Variants in JMJD1C observed in about 807,000 individuals in gnomAD.
JMJD1C encodes the protein jumonji domain containing 1C, also known as jumonji domain-containing protein 1C.
In JMJD1C, 31 loss-of-function variants were observed where a neutral mutation model predicts 245.3. The ratio of observed to expected loss-of-function variants is 0.13; its 90% CI spans 0.09 to 0.17. The LOEUF is 0.17. Among genes scored for constraint, JMJD1C ranks in the 10% least tolerant of loss-of-function variants. The pLI is 1.00. For synonymous variants in JMJD1C, 1,057 were observed against 1,017.4 expected, an observed-to-expected ratio of 1.04 and a Z score of -0.74; for missense variants, 2,691 against 3,000.2, an observed-to-expected ratio of 0.90 and a Z score of 2.41.
chr10:63,345,361 C>T (rs1006337670), intron 2 of JMJD1C, among the ~76,000 whole-genome samples: 1 of 151,972 alleles, frequency 6.6e-6, no homozygotes, highest in Non-Finnish European at 1.5e-5. Context: ...GTGGCAGGCA[C>T]CTGTAATCCC....
chr10:63,437,377 C>T (rs1170819066), intron 1 of JMJD1C, among the ~76,000 whole-genome samples: 1 of 152,136 alleles, frequency 6.6e-6, no homozygotes, highest in East Asian at 1.9e-4. Flanking sequence ...TCCACAAGCT[C>T]TTACCTCTCT....
At chr10:63,235,304 T>C (rs1312754085) in intron 3 of JMJD1C, among the ~76,000 whole-genome samples, 4 of 152,170 alleles carry the variant, frequency 2.6e-5, no homozygotes, top group Non-Finnish European at 5.9e-5. Flanking sequence ...GAGACCAGCC[T>C]GGCCAACACA....
Position 63,380,445 on chromosome 10 carries a change from C to T in JMJD1C, c.206G>A (p.Arg69Gln). 6.2e-7 allele frequency: 1 copy of T among 1,613,676 alleles called. No homozygotes were observed. The highest frequency in any genetic ancestry group is 1.3e-5 in the African/African-American group (1 of 74,962). The change falls in exon 2 of 26, where the codon CGA (arginine) becomes CAA (glutamine). Residue 69 changes from arginine (R) to glutamine (Q), a missense_variant. By Grantham distance (43) the Arg-to-Gln change is conservative (BLOSUM62 1). Coordinates refer to ENST00000399262, the MANE Select transcript of JMJD1C (RefSeq NM_032776.3). The stretch of plus-strand genomic sequence containing the variant: ...ATCTTCATAAACTTTAACCCACTCT[C>T]GTTTATCCCATTCAAGATCATCAAA... ...VEFDDLEWDK[R>Q]EWVKVYEDFS...
At chr10:63,363,615 C>T (rs758846693) in intron 2 of JMJD1C, among the ~76,000 whole-genome samples, 24 of 152,118 alleles carry the variant, frequency 1.6e-4, no homozygotes, top group African/African-American at 2.2e-4. Flanking sequence ...TTCTACCATG[C>T]AAAGCATCTG....
intron 2 of JMJD1C, among the ~76,000 whole-genome samples, chr10:63,342,335 T>C (rs1198997589): frequency 6.6e-6 from 1 of 152,198 alleles, no homozygotes; most frequent in Non-Finnish European, 1.5e-5. Context: ...TGTGCATTCA[T>C]AACAGAACAA....
intron 3 of JMJD1C, among the ~76,000 whole-genome samples, chr10:63,231,675 T>C (rs1850016039): frequency 6.6e-6 from 1 of 152,082 alleles, no homozygotes; most frequent in African/African-American, 2.4e-5. Flanking sequence ...ACACCTGTAA[T>C]CCTAGCTACT....
intron 1 of JMJD1C, among the ~76,000 whole-genome samples, chr10:63,519,761 A>G (rs1253475094): frequency 1.3e-5 from 2 of 152,252 alleles, no homozygotes; most frequent in Non-Finnish European, 2.9e-5. Context: ...AGCACTGAGC[A>G]TGAAAATACA....
chr10:63,236,414 T>C (rs1589241530), intron 3 of JMJD1C, among the ~76,000 whole-genome samples: 1 of 152,228 alleles, frequency 6.6e-6, no homozygotes, highest in Non-Finnish European at 1.5e-5. Context: ...ATGTGTTTTC[T>C]TCTAAAGCCA....
chr10:63,304,713 G>A (rs1176522182), intron 2 of JMJD1C, among the ~76,000 whole-genome samples: 1 of 152,160 alleles, frequency 6.6e-6, no homozygotes, highest in Non-Finnish European at 1.5e-5. Flanking sequence ...TAAGGCCACA[G>A]AAAAGATCAG....
intron 1 of JMJD1C, among the ~76,000 whole-genome samples, chr10:63,418,312 TAAA>T (rs1564898895): frequency 6.6e-6 from 1 of 152,210 alleles, no homozygotes; most frequent in African/African-American, 2.4e-5. Context: ...AGAATACTTA[TAAA>T]ATGCATCCTG....
chr10:63,467,999 A>G (rs892613656), upstream of JMJD1C, among the ~76,000 whole-genome samples: 2 of 152,220 alleles, frequency 1.3e-5, no homozygotes, highest in Non-Finnish European at 2.9e-5. Flanking sequence ...TAGTTGCCTT[A>G]TATAAAACTG....
intron 1 of JMJD1C, among the ~76,000 whole-genome samples, chr10:63,404,993 C>G (rs1448787892): frequency 6.6e-6 from 1 of 152,160 alleles, no homozygotes; most frequent in Non-Finnish European, 1.5e-5. Context: ...CAACATGATA[C>G]AATTAGTTCT....
At chr10:63,335,375 AAAG>A (rs1443684708) in intron 2 of JMJD1C, among the ~76,000 whole-genome samples, 1 of 152,236 alleles carries the variant, frequency 6.6e-6, no homozygotes, top group East Asian at 1.9e-4. Context: ...TTGAGAATAT[AAAG>A]AAGTGCTTAA....
chr10:63,288,254 A>G lies in JMJD1C; in HGVS notation c.334-23490T>C, dbSNP rs116249752. Among the ~76,000 whole-genome samples, 1,515 of 152,320 alleles carry G rather than the reference A, an allele frequency of 9.9e-3. 10 individuals carry two copies. The highest frequency in any genetic ancestry group is 0.031 in the Middle Eastern group (9 of 294). ...CTGTACTTGGAATCATATACTATGTAGCCTTTTCAGATTGGCTTCTCTCAC... is the reference window on the plus strand; with the variant it reads ...CTGTACTTGGAATCATATACTATGTGGCCTTTTCAGATTGGCTTCTCTCAC... On this transcript the variant is annotated intron_variant, in intron 2 of 25. Coordinates refer to ENST00000399262, the MANE Select transcript of JMJD1C (RefSeq NM_032776.3).
chr10:63,299,857 TTCAAGGAACCCAG>T (rs921261004), intron 2 of JMJD1C, among the ~76,000 whole-genome samples: 1 of 151,912 alleles, frequency 6.6e-6, no homozygotes, highest in African/African-American at 2.4e-5. Flanking sequence ...GTTAAAGCCT[TTCAAGGAACCCAG>T]TCTTCTTGAA....
rs377618960 is a variant in JMJD1C, at chr10:63,219,899, C to T, written c.532G>A (p.Val178Ile). Residue 178 changes from valine to isoleucine, a missense_variant, in exon 4 of 26, where the codon GTT (valine) becomes ATT (isoleucine). Physicochemically the swap from Val to Ile is conservative, Grantham distance 29. Transcript: ENST00000399262. Reference sequence around the variant, plus strand: ...TTACCTTGCATAAAAATCTCCTGAACCTTTTGTTCCTTTACCCAGACTTTC... The same window carrying T: ...TTACCTTGCATAAAAATCTCCTGAATCTTTTGTTCCTTTACCCAGACTTTC... The part of the protein sequence containing the change: ...EVKVWVKEQK[V>I]QEIFMQGPYS... The T allele has an allele frequency of 1.2e-6, 2 of 1,613,342 alleles. No homozygotes were observed. Among genetic ancestry groups the T allele is most frequent in the Non-Finnish European group, 1.7e-6 (2 of 1,179,452 alleles).
intron 1 of JMJD1C, among the ~76,000 whole-genome samples, chr10:63,389,365 C>T (rs1361249293): frequency 1.4e-5 from 2 of 138,760 alleles, no homozygotes; most frequent in Non-Finnish European, 3.1e-5. Flanking sequence ...AGAAAGAGTA[C>T]AATAATAATT....
chr10:63,497,184 C>A (rs981981672), intron 1 of JMJD1C, among the ~76,000 whole-genome samples: 2 of 151,036 alleles, frequency 1.3e-5, no homozygotes, highest in African/African-American at 4.9e-5. Flanking sequence ...AAAAAAAAAA[C>A]ACCCAAAAGA....
At position 63,200,527 on chromosome 10, in the gene JMJD1C, CCTT is replaced by C; in HGVS notation, c.5222_5224del (p.Lys1741_Gly1742delinsArg). The stretch of plus-strand genomic sequence containing the variant: ...TACTGGTGAGTGAGCTGGTTCTTCT[CCTT>C]TTTTACTGCGAATAAGTCTACATTC... On this transcript the variant is annotated inframe_deletion, in exon 11 of 26. Coordinates refer to ENST00000399262, the MANE Select transcript of JMJD1C (RefSeq NM_032776.3). The C allele has an allele frequency of 6.2e-7, 1 of 1,613,974 alleles. No individual in the cohort carries two copies.
Sources: gnomAD v4.1 joint callset for allele counts (sites outside exome capture counted in the v4.1 genomes callset) on GRCh38, gnomAD v4.1.1 for gene constraint, MANE v1.5 for transcripts, NCBI Gene and HGNC (gene_info 2026-07-23, HGNC 2026-07-21) for gene names.